The following NUDT6 variants were observed in gnomAD, a reference collection of about 807,000 sequenced individuals.
The protein encoded by NUDT6 is nudix hydrolase 6.
NUDT6 carries 24 observed loss-of-function variants against 36.8 expected under a neutral mutation model. That is an observed-to-expected ratio of 0.65 (90% confidence interval 0.47 to 0.92). The LOEUF is 0.92. Ranked by LOEUF, NUDT6 falls within the 40% of genes least tolerant of loss-of-function variation. NUDT6 has a pLI of 0.00. For missense variants in NUDT6, 388 were observed against 392.8 expected (o/e 0.99, Z 0.10); for synonymous variants, 163 against 157.0 (o/e 1.04, Z -0.29).
In NUDT6 at chr4:122,915,486, A is replaced by AC. The variant is rs1560773918; in HGVS notation, c.442+2014_442+2015insG. ...CCCTGCCTCAAAAAAAAAAAAAAAA[A>AC]AAAAAAAAAAAACAACTCTGCACCT... is the stretch of plus-strand genomic sequence containing the variant. On this transcript the variant is annotated intron_variant, in intron 2 of 4. Coordinates refer to ENST00000304430, the MANE Select transcript of NUDT6 (RefSeq NM_007083.5). 6.0e-3 allele frequency among the ~76,000 whole-genome samples: 878 copies of AC among 146,904 alleles called. 20 individuals carry two copies. The highest frequency in any genetic ancestry group is 0.025 in the South Asian group (108 of 4,296).
intron 4 of NUDT6, chr4:122,893,484 T>G: frequency 3.0e-6 from 1 of 333,774 alleles, no homozygotes; most frequent in South Asian, 1.1e-4. Flanking sequence ...CTGTACATTT[T>G]TGGGGTCAGC....
chr4:122,906,265 C>T (rs1727614524), intron 3 of NUDT6, among the ~76,000 whole-genome samples: 1 of 152,086 alleles, frequency 6.6e-6, no homozygotes, highest in African/African-American at 2.4e-5. Context: ...CATATTGTGC[C>T]TTGAATTGAC....
chr4:122,917,489 T>C lies in NUDT6; in HGVS notation c.442+12A>G. On this transcript the variant is annotated intron_variant, in intron 2 of 4. Transcript: ENST00000304430. ...AAAAGTTAATTCTGCTCATCATGAG[T>C]TTGAAACTGACCTGCAACTCCTACT... The C allele has an allele frequency of 6.2e-7, 1 of 1,612,034 alleles. No individual in the cohort carries two copies.
chr4:122,897,849 T>C (rs1727411124), intron 3 of NUDT6, 171 bp from the exon 4 acceptor site: 4 of 593,752 alleles, frequency 6.7e-6, no homozygotes, highest in Middle Eastern at 4.5e-4. Context: ...TCTTCTTTTT[T>C]TGGGGGAGCT....
At position 122,922,496 on chromosome 4, in the gene NUDT6, T is replaced by C; in HGVS notation, c.77A>G (p.Tyr26Cys). ...RTYGPGPSAG[Y>C]RWASGAQGYV... ...ACCCTGTGCGCCCGAGGCCCAGCGG[T>C]AACCCGCCGAAGGCCCGGGGCCGTA... Residue 26 changes from tyrosine (Y) to cysteine (C), a missense_variant, in exon 1 of 5, where the codon TAC (tyrosine) becomes TGC (cysteine). By Grantham distance (194) the Tyr-to-Cys change is radical (BLOSUM62 -2). Coordinates refer to ENST00000304430, the MANE Select transcript of NUDT6 (RefSeq NM_007083.5). 6.2e-7 allele frequency: 1 copy of C among 1,610,650 alleles called. No homozygotes were observed. Among genetic ancestry groups the C allele is most frequent in the Non-Finnish European group, 8.5e-7 (1 of 1,179,720 alleles).
chr4:122,905,938 T>C (rs747263614), intron 3 of NUDT6, among the ~76,000 whole-genome samples: 4 of 152,208 alleles, frequency 2.6e-5, no homozygotes, highest in Non-Finnish European at 4.4e-5. Context: ...TTAAATACTC[T>C]ATCTTTTGCA....
chr4:122,905,368 T>C lies in NUDT6; in HGVS notation c.498+7200A>G, dbSNP rs79172413. 2.6e-4 allele frequency among the ~76,000 whole-genome samples: 39 copies of C among 152,356 alleles called. No individual in the cohort carries two copies. The East Asian group carries it at 5.6e-3, about 22-fold the overall frequency. Reference sequence around the variant, plus strand: ...GATTTTCTCAGTAGTTTTGTCACACTATAACATTAAAGTTGCATCTTCCAG... The same window carrying C: ...GATTTTCTCAGTAGTTTTGTCACACCATAACATTAAAGTTGCATCTTCCAG... On this transcript the variant is annotated intron_variant, in intron 3 of 4. Coordinates refer to ENST00000304430, the MANE Select transcript of NUDT6 (RefSeq NM_007083.5).
upstream of NUDT6, chr4:122,922,920 G>A (rs1027829484): frequency 6.7e-6 from 4 of 599,058 alleles, no homozygotes; most frequent in African/African-American, 7.5e-5. Flanking sequence ...TCCGTTCCTG[G>A]AACCTATCTT....
chr4:122,916,115 C>T (rs892377797), intron 2 of NUDT6, among the ~76,000 whole-genome samples: 1 of 151,894 alleles, frequency 6.6e-6, no homozygotes, highest in Non-Finnish European at 1.5e-5. Context: ...AGACCACCAC[C>T]AGCAGCAGCA....
At chr4:122,902,950 A>G (rs1490557044) in intron 3 of NUDT6, among the ~76,000 whole-genome samples, 1 of 152,200 alleles carries the variant, frequency 6.6e-6, no homozygotes, top group Admixed American at 6.5e-5. Context: ...ACTGGCTTGG[A>G]TATCTGAAAA....
rs772626379 is a variant in NUDT6, at chr4:122,917,675, T to C, written c.268A>G (p.Arg90Gly). The stretch of plus-strand genomic sequence containing the variant: ...GGAATGTGCAGCCATACAGCTGTTC[T>C]ACCTTCTGATCGCCATTGCTGTACT... The part of the protein sequence containing the change: ...AAVQQWRSEG[R>G]TAVWLHIPIL... Residue 90 changes from arginine to glycine, a missense_variant, in exon 2 of 5, where the codon AGA becomes GGA. By Grantham distance (125) the Arg-to-Gly change is moderately radical. Transcript: ENST00000304430. 1 of 1,614,196 alleles carries C rather than the reference T, an allele frequency of 6.2e-7. No homozygotes were observed. Among genetic ancestry groups the C allele is most frequent in the South Asian group, 1.1e-5 (1 of 91,080 alleles).
chr4:122,893,313 G>A (rs1727247896), intron 4 of NUDT6, 88 bp from the exon 5 acceptor site: 11 of 1,298,490 alleles, frequency 8.5e-6, no homozygotes, highest in Non-Finnish European at 1.1e-5. Context: ...GTAGCATTAT[G>A]TAAAGGCTCA....
chr4:122,903,797 T>A (rs144836263), intron 3 of NUDT6, among the ~76,000 whole-genome samples: 1 of 152,124 alleles, frequency 6.6e-6, no homozygotes, highest in Non-Finnish European at 1.5e-5. Context: ...TTCCTTCCCA[T>A]AGTATCAGCA....
rs1413333514 is a variant in NUDT6 at position 122,893,189 on chromosome 4, C to G, written c.590G>C (p.Gly197Ala). The G allele has an allele frequency of 6.2e-7, 1 of 1,612,146 alleles. No homozygotes were observed. Among genetic ancestry groups the G allele is most frequent in the Non-Finnish European group, 8.5e-7 (1 of 1,178,982 alleles). Reference sequence around the variant, plus strand: ...GACGGACCTGAATTCTGATTTTATACCAGTCTCTTCAAAAACTTCTCGAAC... The same window carrying G: ...GACGGACCTGAATTCTGATTTTATAGCAGTCTCTTCAAAAACTTCTCGAAC... ...TAVREVFEET[G>A]IKSEFRSVLS... Residue 197 changes from glycine to alanine, a missense_variant, in exon 5 of 5, where the codon GGT (glycine) becomes GCT (alanine). Transcript: ENST00000304430.
At chr4:122,922,900 A>C, upstream of NUDT6, 1 of 578,418 alleles carries the variant, frequency 1.7e-6, no homozygotes, top group South Asian at 2.3e-5. Context: ...TTTACAATCT[A>C]AGTGGCAGTT....
chr4:122,918,358 CA>C (rs1454863987), intron 1 of NUDT6: 3 of 152,016 alleles, frequency 2.0e-5, no homozygotes, highest in Non-Finnish European at 2.9e-5. Context: ...AAGATTGAGC[CA>C]GGGGAAAAAG....
chr4:122,922,736 C>A, upstream of NUDT6: 2 of 630,712 alleles, frequency 3.2e-6, no homozygotes, highest in Non-Finnish European at 5.4e-6. Context: ...GGTCCACCAG[C>A]CCTTCTCAGC....
chr4:122,922,562 G>A lies in NUDT6; in HGVS notation c.11C>T (p.Pro4Leu), dbSNP rs748986453. MRQPLSWGRWRAML... is the reference protein window; with the variant it reads MRQLLSWGRWRAML... ...CGCGCGCCAGCGGCCCCAGCTCAGT[G>A]GCTGCCGCATCTCCACGCCGCTTAA... Residue 4 changes from proline (P) to leucine (L), a missense_variant, in exon 1 of 5, where the codon CCA (proline) becomes CTA (leucine). Physicochemically the swap from Pro to Leu is moderately conservative, Grantham distance 98. Coordinates refer to ENST00000304430, the MANE Select transcript of NUDT6 (RefSeq NM_007083.5). 12 of 1,594,540 alleles carry A rather than the reference G, an allele frequency of 7.5e-6. No homozygotes were observed. In the African/African-American group the frequency reaches 1.3e-4, roughly 18 times the overall value.
chr4:122,922,266 T>C (rs1698515509), intron 1 of NUDT6, 69 bp downstream of exon 1: 10 of 1,366,770 alleles, frequency 7.3e-6, no homozygotes, highest in East Asian at 2.4e-5. Flanking sequence ...GACTAGGGAG[T>C]GGGGGCCGCG....
Sources: allele counts gnomAD v4.1 joint callset (sites outside exome capture counted in the v4.1 genomes callset), GRCh38; gene constraint gnomAD v4.1.1; transcripts MANE v1.5; gene names NCBI Gene and HGNC (gene_info 2026-07-23, HGNC 2026-07-21).